Variants in TANC2 observed in about 807,000 individuals in gnomAD.
TANC2 encodes tetratricopeptide repeat, ankyrin repeat and coiled-coil containing 2.
A neutral mutation model predicts 210.5 loss-of-function variants in TANC2; 26 were observed. That is an observed-to-expected ratio of 0.12 (90% CI 0.09 to 0.17). The LOEUF (loss-of-function observed/expected upper bound fraction) is 0.17. Among genes scored for constraint, TANC2 ranks in the 10% least tolerant of loss-of-function variants. The pLI, the probability that TANC2 is intolerant of heterozygous loss-of-function variation, is 1.00. For missense variants in TANC2, 2,129 were observed against 2,608.9 expected, an observed-to-expected ratio of 0.82 and a Z score of 4.01; for synonymous variants, 931 against 967.1, an observed-to-expected ratio of 0.96 and a Z score of 0.69.
At chr17:63,293,731 T>C (rs1301885136) in intron 9 of TANC2, among the ~76,000 whole-genome samples, 1 of 152,070 alleles carries the variant, frequency 6.6e-6, no homozygotes, top group Admixed American at 6.5e-5. Flanking sequence ...TGAAGAAAGG[T>C]AAGGATTTTT....
rs576487947 is a variant in TANC2, at chr17:63,266,215, A to G, written c.1034-1533A>G. Among the ~76,000 whole-genome samples, 618 of 152,246 alleles carry G rather than the reference A, an allele frequency of 4.1e-3. 4 individuals are homozygous for G. The highest frequency in any genetic ancestry group is 0.014 in the African/African-American group (598 of 41,578). ...CCTGTAATTGTAATAAAATATTAAT[A>G]AAATTTTAATAAATTTTTAATAAAA... is the stretch of plus-strand genomic sequence containing the variant. On this transcript the variant is annotated intron_variant, in intron 8 of 27. Transcript: ENST00000689528.
intron 4 of TANC2, among the ~76,000 whole-genome samples, chr17:63,122,929 G>T (rs1351328546): frequency 6.6e-6 from 1 of 152,164 alleles, no homozygotes; most frequent in Non-Finnish European, 1.5e-5. Context: ...TGTACAAAAT[G>T]CATTCAAGTG....
intron 2 of TANC2, among the ~76,000 whole-genome samples, chr17:63,019,464 C>T (rs1033536928): frequency 3.3e-5 from 5 of 152,132 alleles, no homozygotes; most frequent in Non-Finnish European, 7.4e-5. Context: ...GTGATCGGCC[C>T]TCTTTGGCCT....
Position 63,220,701 on chromosome 17 carries a change from C to T in TANC2, c.770-17113C>T, listed in dbSNP as rs1598633709. On this transcript the variant is annotated intron_variant, in intron 7 of 27. Transcript: ENST00000689528. ...CCTGGGCAACAGAGCAAGAATCAGT[C>T]TCAAAAAAAAAAAAAAAAATATATA... Among the ~76,000 whole-genome samples, 3 of 71,358 alleles carry T rather than the reference C, an allele frequency of 4.2e-5. No individual in the cohort carries two copies. In the Admixed American group the frequency reaches 4.6e-4, roughly 11 times the overall value. 46.8% of individuals were successfully genotyped at this position (71,358 alleles called of 152,430 possible).
rs146578201 is a variant in TANC2 at position 63,318,641 on chromosome 17, T to G, written c.1442-316T>G. Among the ~76,000 whole-genome samples, 1,406 of 152,360 alleles carry G rather than the reference T, an allele frequency of 9.2e-3. 16 individuals carry two copies. The highest frequency in any genetic ancestry group is 0.02 in the Middle Eastern group (6 of 294). On this transcript the variant is annotated intron_variant, in intron 10 of 27. Transcript: ENST00000689528. ...GACCTCTTGGATTTAGCATAACATTTTCAAGGGTTTATCCCCGTTCTAGCA... is the reference window on the plus strand; with the variant it reads ...GACCTCTTGGATTTAGCATAACATTGTCAAGGGTTTATCCCCGTTCTAGCA...
At position 63,424,380 on chromosome 17, in the gene TANC2, A is replaced by G. The variant is rs149673623; in HGVS notation, c.*2425A>G. Reference sequence around the variant, plus strand: ...TGTTTTTGACTAGAATATGCCAACCAGAGCTTGTTGGGGCAGGAGACGTTT... The same window carrying G: ...TGTTTTTGACTAGAATATGCCAACCGGAGCTTGTTGGGGCAGGAGACGTTT... On this transcript the variant is annotated 3_prime_UTR_variant, in exon 28 of 28. Coordinates refer to ENST00000689528, the Ensembl canonical transcript of TANC2. 1,057 of 152,356 alleles carry G rather than the reference A, an allele frequency of 6.9e-3. 4 individuals are homozygous for G. Among genetic ancestry groups the G allele is most frequent in the Non-Finnish European group, 0.012 (793 of 68,060 alleles). 9.4% of individuals were successfully genotyped at this position (152,356 alleles called of 1,614,324 possible).
chr17:63,189,029 C>T (rs1041114327), intron 5 of TANC2, among the ~76,000 whole-genome samples: 2 of 152,088 alleles, frequency 1.3e-5, no homozygotes, highest in African/African-American at 4.8e-5. Context: ...TGGAATCACA[C>T]AATATGTAGT....
intron 3 of TANC2, among the ~76,000 whole-genome samples, chr17:63,092,346 A>G (rs2037229221): frequency 6.6e-6 from 1 of 151,704 alleles, no homozygotes; most frequent in South Asian, 2.1e-4. Context: ...AGTATATGAG[A>G]GCTGTAGTTC....
intron 1 of TANC2, among the ~76,000 whole-genome samples, chr17:63,008,769 A>G (rs2033735913): frequency 7.2e-6 from 1 of 138,696 alleles, no homozygotes; most frequent in Admixed American, 8.4e-5. Context: ...GCATAGCTGT[A>G]GTCTTGTGAG....
chr17:63,176,066 A>G lies in TANC2; in HGVS notation c.434-17925A>G, dbSNP rs566122336. 1.2e-4 allele frequency among the ~76,000 whole-genome samples: 19 copies of G among 152,358 alleles called. 1 individual carries two copies. In the South Asian group the frequency reaches 3.3e-3, roughly 27 times the overall value. Reference sequence around the variant, plus strand: ...CTCTCACTGCCAAGTGTTGGCGAGAATATGGAGGAACAGGAACTCTCATGC... The same window carrying G: ...CTCTCACTGCCAAGTGTTGGCGAGAGTATGGAGGAACAGGAACTCTCATGC... On this transcript the variant is annotated intron_variant, in intron 5 of 27. Coordinates refer to ENST00000689528, the Ensembl canonical transcript of TANC2.
chr17:63,155,281 G>A (rs1567769395), intron 5 of TANC2: 1 of 151,956 alleles, frequency 6.6e-6, no homozygotes, highest in Non-Finnish European at 1.5e-5. Flanking sequence ...GAAATATAAT[G>A]TATATGCCAC....
chr17:63,244,457 C>T (rs1216104749), intron 8 of TANC2, among the ~76,000 whole-genome samples: 2 of 152,308 alleles, frequency 1.3e-5, no homozygotes, highest in South Asian at 2.1e-4. Context: ...TGCAGCTGAT[C>T]TGGGGACAAT....
chr17:63,405,812 A>G (rs2048486134), intron 20 of TANC2, among the ~76,000 whole-genome samples: 1 of 152,234 alleles, frequency 6.6e-6, no homozygotes, highest in Non-Finnish European at 1.5e-5. Flanking sequence ...GCAAGTATTA[A>G]CTACAGGCAG....
chr17:63,363,224 G>T (rs2047016178), intron 14 of TANC2, among the ~76,000 whole-genome samples: 1 of 152,068 alleles, frequency 6.6e-6, no homozygotes, highest in Non-Finnish European at 1.5e-5. Context: ...TTTTCCTATA[G>T]AGTTGTTTGA....
intron 15 of TANC2, among the ~76,000 whole-genome samples, chr17:63,384,718 AAAG>A (rs1432092946): frequency 3.3e-5 from 5 of 152,188 alleles, no homozygotes; most frequent in Non-Finnish European, 5.9e-5. Context: ...AGTTGGGAAA[AAAG>A]CATATAATGC....
At chr17:63,036,702 AT>A (rs1285950756) in intron 2 of TANC2, among the ~76,000 whole-genome samples, 4 of 152,070 alleles carry the variant, frequency 2.6e-5, no homozygotes, top group African/African-American at 9.7e-5. Flanking sequence ...GGGATAGAAC[AT>A]TTTTTCCATG....
At chr17:63,385,814 G>GA (rs2047761083) in intron 15 of TANC2, among the ~76,000 whole-genome samples, 1 of 152,200 alleles carries the variant, frequency 6.6e-6, no homozygotes. Flanking sequence ...CGAGGAGGAT[G>GA]AAAAGGGAAA....
At chr17:63,382,007 C>A (rs1598989006) in intron 15 of TANC2, among the ~76,000 whole-genome samples, 1 of 152,160 alleles carries the variant, frequency 6.6e-6, no homozygotes, top group African/African-American at 2.4e-5. Context: ...TGGCTACATC[C>A]TGGCTGGTAA....
rs1317924768 is a variant in TANC2 at position 63,099,164 on chromosome 17, C to G, written c.140-11C>G. 1 of 1,609,712 alleles carries G rather than the reference C, an allele frequency of 6.2e-7. No homozygotes were observed. Among genetic ancestry groups the G allele is most frequent in the African/African-American group, 1.3e-5 (1 of 74,834 alleles). ...TCTCACCAGCTCTTTTGTTCCATCC[C>G]CTTCTAACAGGTGGCATCTCCACAG... On this transcript the variant is annotated splice_polypyrimidine_tract_variant and intron_variant, in intron 3 of 27. Coordinates refer to ENST00000689528, the Ensembl canonical transcript of TANC2.
Sources: gnomAD v4.1 joint callset for allele counts (sites outside exome capture counted in the v4.1 genomes callset) on GRCh38, gnomAD v4.1.1 for gene constraint, MANE v1.5 for transcripts, NCBI Gene and HGNC (gene_info 2026-07-23, HGNC 2026-07-21) for gene names.